Variants in MRGPRX3 observed in about 807,000 individuals in gnomAD.
MRGPRX3 encodes mas-related G protein-coupled receptor member X3.
In MRGPRX3, 14 loss-of-function variants were observed where a neutral mutation model predicts 16.5. That is an observed-to-expected ratio of 0.85 (90% CI 0.56 to 1.33). The LOEUF (loss-of-function observed/expected upper bound fraction) is 1.33, where lower values mean the gene tolerates loss of function less well. MRGPRX3 is among the 40% of genes most tolerant of loss of function. The pLI, the probability that MRGPRX3 is intolerant of heterozygous loss-of-function variation, is 0.00. For missense variants in MRGPRX3, 449 were observed against 413.0 expected, an observed-to-expected ratio of 1.09 and a Z score of -0.76; for synonymous variants, 199 against 180.1, an observed-to-expected ratio of 1.10 and a Z score of -0.84.
upstream of MRGPRX3, among the ~76,000 whole-genome samples, chr11:18,131,670 A>T (rs938920650): frequency 6.6e-5 from 10 of 152,300 alleles, no homozygotes; most frequent in African/African-American, 2.2e-4. Flanking sequence ...TGATCCAGCA[A>T]TCCCATTAAA....
At chr11:18,127,828 T>C (rs1443615373), upstream of MRGPRX3, among the ~76,000 whole-genome samples, 3 of 152,228 alleles carry the variant, frequency 2.0e-5, no homozygotes, top group Admixed American at 1.3e-4. Flanking sequence ...CTGCATTCCT[T>C]TGGAGGAGGA....
rs373134264 is a variant in MRGPRX3 at position 18,137,371 on chromosome 11, C to A, written c.169C>A (p.Arg57Ser). 3.7e-6 allele frequency: 6 copies of A among 1,614,194 alleles called. No homozygotes were observed. The Admixed American group carries it at 8.3e-5, about 22-fold the overall frequency. Residue 57 changes from arginine (R) to serine (S), a missense_variant, in exon 2 of 2, where the codon CGC (arginine) becomes AGC (serine). By Grantham distance (110) the Arg-to-Ser change is moderately radical. Coordinates refer to ENST00000621697, the MANE Select transcript of MRGPRX3 (RefSeq NM_001370464.1). ...VVLWLLGCRM[R>S]RNAVSIYILN... ...GCTCTGGCTCCTGGGCTGCCGCATG[C>A]GCAGGAACGCTGTCTCCATCTACAT...
At chr11:18,137,083 C>T (rs1325745548) in intron 1 of MRGPRX3, 95 bp from the exon 2 acceptor site, 4 of 1,290,334 alleles carry the variant, frequency 3.1e-6, no homozygotes, top group Non-Finnish European at 2.1e-6. Context: ...TCTGATCTCT[C>T]CTCTTTAAAT....
At chr11:18,127,150 T>G (rs1456431982) in intron 1 of MRGPRX3, among the ~76,000 whole-genome samples, 3 of 152,242 alleles carry the variant, frequency 2.0e-5, no homozygotes, top group Admixed American at 6.5e-5. Context: ...ACTGTTATTC[T>G]GATGGGCTTC....
upstream of MRGPRX3, among the ~76,000 whole-genome samples, chr11:18,130,894 A>G (rs1848955340): frequency 3.9e-5 from 6 of 152,296 alleles, no homozygotes; most frequent in South Asian, 8.3e-4. Flanking sequence ...ATTATAGCCA[A>G]CTGATTTTTG....
chr11:18,129,729 AAAG>A (rs1848941445), upstream of MRGPRX3, among the ~76,000 whole-genome samples: 1 of 152,220 alleles, frequency 6.6e-6, no homozygotes, highest in Admixed American at 6.5e-5. Flanking sequence ...GATATACAAA[AAAG>A]AAAACTATAG....
chr11:18,126,747 T>A (rs11024498), intron 1 of MRGPRX3, among the ~76,000 whole-genome samples: 75,013 of 151,784 alleles, frequency 0.49, 22,108 homozygotes, highest in East Asian at 0.83. Context: ...CGGTGTTTGG[T>A]TTTTTGTCTT....
chr11:18,131,426 G>A (rs749518148), upstream of MRGPRX3, among the ~76,000 whole-genome samples: 5 of 151,948 alleles, frequency 3.3e-5, no homozygotes, highest in Non-Finnish European at 5.9e-5. Context: ...CAACAAACAG[G>A]AAAAAATGCT....
At chr11:18,131,636 G>A (rs1459121509), upstream of MRGPRX3, among the ~76,000 whole-genome samples, 5 of 151,912 alleles carry the variant, frequency 3.3e-5, no homozygotes, top group Admixed American at 2.6e-4. Flanking sequence ...AATTTCTTAA[G>A]GAACTAAAAG....
rs1262473628 is a variant in MRGPRX3 at position 18,137,521 on chromosome 11, T to C, written c.319T>C (p.Phe107Leu). 3 of 1,614,018 alleles carry C rather than the reference T, an allele frequency of 1.9e-6. No individual in the cohort carries two copies. Among genetic ancestry groups the C allele is most frequent in the Non-Finnish European group, 2.5e-6 (3 of 1,180,050 alleles). The change falls in exon 2 of 2, where the codon TTT becomes CTT. Residue 107 changes from phenylalanine (F) to leucine (L), a missense_variant. Transcript: ENST00000621697. Reference protein sequence around the residue: ...ILSPVMTFPYFIGLSMLSAIS... With the variant: ...ILSPVMTFPYLIGLSMLSAIS... ...CAGTCCTGTGATGACCTTTCCCTACTTTATAGGCCTAAGCATGCTGAGCGC... is the reference window on the plus strand; with the variant it reads ...CAGTCCTGTGATGACCTTTCCCTACCTTATAGGCCTAAGCATGCTGAGCGC...
chr11:18,124,077 G>C (rs1220840902), intron 1 of MRGPRX3, among the ~76,000 whole-genome samples: 1 of 152,186 alleles, frequency 6.6e-6, no homozygotes, highest in African/African-American at 2.4e-5. Flanking sequence ...ATCAGCTTAA[G>C]GAGATTTTGG....
At chr11:18,127,274 T>C (rs1848910430) in intron 1 of MRGPRX3, among the ~76,000 whole-genome samples, 2 of 152,192 alleles carry the variant, frequency 1.3e-5, no homozygotes, top group Admixed American at 6.6e-5. Flanking sequence ...TCGAGGAGTA[T>C]CTTTGTGGCA....
upstream of MRGPRX3, among the ~76,000 whole-genome samples, chr11:18,127,604 C>T (rs542710545): frequency 1.1e-4 from 16 of 152,192 alleles, no homozygotes; most frequent in Non-Finnish European, 1.6e-4. Context: ...GTTCTCGTGC[C>T]GTGGTTTTCA....
upstream of MRGPRX3, among the ~76,000 whole-genome samples, chr11:18,130,309 C>G (rs1848948476): frequency 6.6e-6 from 1 of 152,116 alleles, no homozygotes; most frequent in African/African-American, 2.4e-5. Context: ...GCTCCTAGAA[C>G]TGATACATAA....
intron 1 of MRGPRX3, among the ~76,000 whole-genome samples, chr11:18,122,271 T>C (rs777022045): frequency 6.6e-6 from 1 of 152,166 alleles, no homozygotes; most frequent in African/African-American, 2.4e-5. Context: ...GTTACATAGA[T>C]ATACATGTGC....
chr11:18,121,337 C>T (rs1848833236), intron 1 of MRGPRX3, among the ~76,000 whole-genome samples: 1 of 151,668 alleles, frequency 6.6e-6, no homozygotes, highest in African/African-American at 2.4e-5. Context: ...TGGGGGTCAG[C>T]CCCCCGCCTG....
At chr11:18,123,257 T>C (rs1848858387) in intron 1 of MRGPRX3, among the ~76,000 whole-genome samples, 2 of 152,104 alleles carry the variant, frequency 1.3e-5, no homozygotes, top group Admixed American at 6.5e-5. Context: ...CACGAAGTCC[T>C]TGCCCATGCC....
At chr11:18,129,667 G>A (rs1324463366), upstream of MRGPRX3, among the ~76,000 whole-genome samples, 1 of 152,098 alleles carries the variant, frequency 6.6e-6, no homozygotes, top group East Asian at 1.9e-4. Context: ...AGGGAATCCT[G>A]CCTAAAGCAT....
upstream of MRGPRX3, among the ~76,000 whole-genome samples, chr11:18,130,712 A>AAC (rs1554906743): frequency 2.4e-3 from 357 of 148,306 alleles, no homozygotes; most frequent in African/African-American, 8.3e-3. Flanking sequence ...AAAAAAAAAA[A>AAC]CCCGCATAGC....
Sources: allele counts gnomAD v4.1 joint callset (sites outside exome capture counted in the v4.1 genomes callset), GRCh38; gene constraint gnomAD v4.1.1; transcripts MANE v1.5; gene names NCBI Gene and HGNC (gene_info 2026-07-23, HGNC 2026-07-21).